The following CCR3 variants were observed in gnomAD, a reference collection of about 807,000 sequenced individuals.
The protein encoded by CCR3 is C-C motif chemokine receptor 3, also known as C-C chemokine receptor type 3.
For missense variants in CCR3, 419 were observed against 437.5 expected (o/e 0.96, Z 0.38); for synonymous variants, 203 against 179.2 (o/e 1.13, Z -1.06).
At chr3:46,264,723 T>G in intron 1 of CCR3, 1 of 423,288 alleles carries the variant, frequency 2.4e-6, no homozygotes, top group Non-Finnish European at 4.2e-6. Context: ...ATTTTGCTTT[T>G]AAATGGATAA....
At chr3:46,251,597 G>A (rs9872946) in intron 1 of CCR3, among the ~76,000 whole-genome samples, 49,284 of 151,980 alleles carry the variant, frequency 0.32, 8,616 homozygotes, top group East Asian at 0.6. Flanking sequence ...TCCGAGTCAC[G>A]GCACCAAATT....
intron 1 of CCR3, among the ~76,000 whole-genome samples, chr3:46,247,034 G>A (rs1284918779): frequency 6.6e-6 from 1 of 152,086 alleles, no homozygotes; most frequent in African/African-American, 2.4e-5. Context: ...AGAAAAACAG[G>A]TATAAAAGGT....
chr3:46,225,901 T>C (rs944899359), intron 2 of CCR3, among the ~76,000 whole-genome samples: 1 of 152,232 alleles, frequency 6.6e-6, no homozygotes, highest in Non-Finnish European at 1.5e-5. Context: ...TTGGTTTATC[T>C]ACGAATGTAC....
chr3:46,238,054 C>T (rs900835151), upstream of CCR3, among the ~76,000 whole-genome samples: 10 of 152,296 alleles, frequency 6.6e-5, 1 homozygote, highest in South Asian at 1.9e-3. Flanking sequence ...AACCAAACTG[C>T]TTTACTTGAA....
chr3:46,232,252 G>A (rs905622432), intron 2 of CCR3, among the ~76,000 whole-genome samples: 1 of 152,176 alleles, frequency 6.6e-6, no homozygotes, highest in Non-Finnish European at 1.5e-5. Flanking sequence ...ATATGTTGAA[G>A]CTAATTTGAA....
At chr3:46,225,868 T>A (rs1699888859) in intron 2 of CCR3, among the ~76,000 whole-genome samples, 1 of 152,268 alleles carries the variant, frequency 6.6e-6, no homozygotes, top group South Asian at 2.1e-4. Context: ...GTGTGAGGTT[T>A]AGGCTGAGGG....
At chr3:46,229,419 T>C (rs955662081) in intron 2 of CCR3, among the ~76,000 whole-genome samples, 9 of 152,214 alleles carry the variant, frequency 5.9e-5, no homozygotes, top group African/African-American at 1.9e-4. Flanking sequence ...ATATAGAAAT[T>C]GGTACCTTGA....
intron 1 of CCR3, among the ~76,000 whole-genome samples, chr3:46,244,705 G>A (rs1038292749): frequency 6.6e-6 from 1 of 152,166 alleles, no homozygotes; most frequent in Non-Finnish European, 1.5e-5. Flanking sequence ...ATCAGTTAAG[G>A]CGGGGCAGGG....
chr3:46,217,795 C>A (rs1391992432), intron 2 of CCR3, among the ~76,000 whole-genome samples: 6 of 151,782 alleles, frequency 4.0e-5, no homozygotes, highest in Non-Finnish European at 8.8e-5. Context: ...CTGATCAAAA[C>A]CTCTGGGATA....
chr3:46,249,802 G>A (rs1359042965), intron 1 of CCR3, among the ~76,000 whole-genome samples: 2 of 152,150 alleles, frequency 1.3e-5, no homozygotes, highest in Non-Finnish European at 2.9e-5. Context: ...CTGCGGTTCA[G>A]GTGTTTGGAA....
intron 2 of CCR3, among the ~76,000 whole-genome samples, chr3:46,228,578 A>G (rs1364771678): frequency 6.6e-6 from 1 of 152,196 alleles, no homozygotes; most frequent in African/African-American, 2.4e-5. Context: ...CTTATTTTGA[A>G]ATCTGCTGGT....
chr3:46,244,268 A>C (rs1700150222), intron 1 of CCR3, among the ~76,000 whole-genome samples: 1 of 152,268 alleles, frequency 6.6e-6, no homozygotes, highest in African/African-American at 2.4e-5. Context: ...TGTTGGAGTC[A>C]TTACAAATTA....
intron 1 of CCR3, among the ~76,000 whole-genome samples, chr3:46,264,936 C>T (rs1046509283): frequency 4.6e-5 from 7 of 152,054 alleles, no homozygotes; most frequent in Non-Finnish European, 1.0e-4. Flanking sequence ...TTTCCCATGC[C>T]GGGTCATGCT....
chr3:46,240,036 C>T (rs911766070), upstream of CCR3, among the ~76,000 whole-genome samples: 1 of 152,194 alleles, frequency 6.6e-6, no homozygotes, highest in African/African-American at 2.4e-5. Flanking sequence ...TTGCTCCATG[C>T]CCACTACCTC....
chr3:46,241,393 C>T (rs1239711171), upstream of CCR3, among the ~76,000 whole-genome samples: 2 of 152,180 alleles, frequency 1.3e-5, no homozygotes, highest in Non-Finnish European at 2.9e-5. Flanking sequence ...CTGCTCTGTG[C>T]CCAGTGCCAT....
intron 2 of CCR3, among the ~76,000 whole-genome samples, chr3:46,228,458 A>G (rs914399538): frequency 2.6e-5 from 4 of 152,142 alleles, no homozygotes; most frequent in Non-Finnish European, 4.4e-5. Context: ...TGTGGTGCAC[A>G]TGTCTTCCTG....
chr3:46,258,388 A>G (rs1288565708), intron 1 of CCR3, among the ~76,000 whole-genome samples: 2 of 152,214 alleles, frequency 1.3e-5, no homozygotes, highest in Non-Finnish European at 2.9e-5. Flanking sequence ...AGCTTTCAGG[A>G]TTTCAACATT....
chr3:46,242,956 T>TATATATATACAC (rs1265688435), intron 1 of CCR3, among the ~76,000 whole-genome samples: 1 of 80,366 alleles, frequency 1.2e-5, no homozygotes, highest in Admixed American at 1.4e-4. Context: ...ATTTTACATA[T>TATATATATACAC]ATATGTGTAT....
intron 2 of CCR3, among the ~76,000 whole-genome samples, chr3:46,233,110 C>T (rs945789966): frequency 2.4e-4 from 36 of 152,358 alleles, no homozygotes; most frequent in Middle Eastern, 6.8e-3. Flanking sequence ...GGATTACTGG[C>T]GTGAGCCACT....
Sources: allele counts gnomAD v4.1 joint callset (sites outside exome capture counted in the v4.1 genomes callset), GRCh38; gene constraint gnomAD v4.1.1; transcripts MANE v1.5; gene names NCBI Gene and HGNC (gene_info 2026-07-23, HGNC 2026-07-21).